PPP2R2B: variants seen among roughly 807,000 people sequenced by gnomAD.
PPP2R2B encodes protein phosphatase 2 regulatory subunit Bbeta.
Under a neutral mutation model 46.0 loss-of-function variants are expected in PPP2R2B, and 5 were observed. That is an observed-to-expected ratio of 0.11 (90% CI 0.06 to 0.23). The LOEUF (loss-of-function observed/expected upper bound fraction) is 0.23. Ranked by LOEUF, PPP2R2B falls within the 10% of genes least tolerant of loss-of-function variation. PPP2R2B has a pLI of 1.00. For synonymous variants in PPP2R2B, 215 were observed against 206.7 expected, an observed-to-expected ratio of 1.04 and a Z score of -0.34; for missense variants, 367 against 575.0, an observed-to-expected ratio of 0.64 and a Z score of 3.70.
At chr5:146,697,374 C>T (rs765147365) in intron 4 of PPP2R2B, among the ~76,000 whole-genome samples, 15 of 152,212 alleles carry the variant, frequency 9.9e-5, no homozygotes, top group Non-Finnish European at 1.8e-4. Context: ...TCTCTCTATT[C>T]AGTACCCAAC....
At chr5:146,989,474 A>G (rs981358820) in intron 1 of PPP2R2B, among the ~76,000 whole-genome samples, 13 of 152,136 alleles carry the variant, frequency 8.5e-5, no homozygotes, top group African/African-American at 3.1e-4. Context: ...GATGCATCAC[A>G]TTAACAGAAT....
intron 2 of PPP2R2B, among the ~76,000 whole-genome samples, chr5:147,075,993 C>A (rs1757754461): frequency 6.6e-6 from 1 of 152,052 alleles, no homozygotes; most frequent in African/African-American, 2.4e-5. Flanking sequence ...GCTTTATTAT[C>A]CCAATTTTAC....
intron 2 of PPP2R2B, among the ~76,000 whole-genome samples, chr5:146,851,177 C>T (rs1442510679): frequency 6.6e-6 from 1 of 152,120 alleles, no homozygotes; most frequent in Non-Finnish European, 1.5e-5. Flanking sequence ...AATCCTGTCC[C>T]TCAGAGATCT....
At chr5:146,746,926 C>A (rs2151229546) in intron 2 of PPP2R2B, among the ~76,000 whole-genome samples, 1 of 152,224 alleles carries the variant, frequency 6.6e-6, no homozygotes, top group African/African-American at 2.4e-5. Context: ...TATGGCGAGT[C>A]CGAATTTTCA....
At chr5:146,941,956 G>A (rs1008147053) in intron 1 of PPP2R2B, among the ~76,000 whole-genome samples, 2 of 152,074 alleles carry the variant, frequency 1.3e-5, no homozygotes, top group Non-Finnish European at 2.9e-5. Context: ...CCAGCTTTTG[G>A]TGTTTGCTGC....
chr5:146,842,110 C>T (rs776898952), intron 2 of PPP2R2B, among the ~76,000 whole-genome samples: 3 of 152,222 alleles, frequency 2.0e-5, no homozygotes, highest in Middle Eastern at 3.4e-3. Context: ...ATACAACATC[C>T]TCCCCTTAAA....
At chr5:147,024,573 A>G (rs957177094) in intron 1 of PPP2R2B, among the ~76,000 whole-genome samples, 4 of 152,192 alleles carry the variant, frequency 2.6e-5, no homozygotes, top group South Asian at 2.1e-4. Flanking sequence ...ACTGGGCTAC[A>G]AAGTGAGGCT....
chr5:147,075,410 A>G (rs1354379341), intron 2 of PPP2R2B, among the ~76,000 whole-genome samples: 1 of 152,180 alleles, frequency 6.6e-6, no homozygotes, highest in South Asian at 2.1e-4. Context: ...CATGATCTGC[A>G]TAAGTTATGT....
chr5:146,632,061 G>GCCCCCCCCCCC (rs58956274), intron 7 of PPP2R2B, among the ~76,000 whole-genome samples: 10 of 103,994 alleles, frequency 9.6e-5, no homozygotes, highest in Non-Finnish European at 1.2e-4. Context: ...GCTGAGTTGT[G>GCCCCCCCCCCC]CCCCCCCCCC....
At chr5:146,797,913 A>G (rs1427077771) in intron 2 of PPP2R2B, among the ~76,000 whole-genome samples, 1 of 152,192 alleles carries the variant, frequency 6.6e-6, no homozygotes, top group Non-Finnish European at 1.5e-5. Context: ...CTGTGCAGCC[A>G]CAAGTGCCAG....
At chr5:146,690,920 G>A (rs927807728) in intron 5 of PPP2R2B, among the ~76,000 whole-genome samples, 2 of 152,232 alleles carry the variant, frequency 1.3e-5, no homozygotes, top group Admixed American at 1.3e-4. Flanking sequence ...GGGACAAAAG[G>A]AAAAGCATGG....
intron 2 of PPP2R2B, among the ~76,000 whole-genome samples, chr5:146,865,540 A>G (rs1045922684): frequency 6.6e-6 from 1 of 152,196 alleles, no homozygotes; most frequent in African/African-American, 2.4e-5. Flanking sequence ...TATTCCCAAT[A>G]GAAGGCAAGT....
chr5:146,824,637 C>T lies in PPP2R2B; in HGVS notation c.70+53365G>A, dbSNP rs570054646. On this transcript the variant is annotated intron_variant, in intron 2 of 9. Coordinates refer to ENST00000394411, the MANE Select transcript of PPP2R2B (RefSeq NM_181675.4). Reference sequence around the variant, plus strand: ...TGTGGTAGAGTGGTAATTTTTGAAACGGGCTTTAACAGAGATAGAAAGAAA... The same window carrying T: ...TGTGGTAGAGTGGTAATTTTTGAAATGGGCTTTAACAGAGATAGAAAGAAA... Among the ~76,000 whole-genome samples the T allele has an allele frequency of 7.1e-4, 108 of 151,920 alleles. 1 individual carries two copies. Among genetic ancestry groups the T allele is most frequent in the African/African-American group, 2.5e-3 (102 of 41,424 alleles).
chr5:146,914,978 C>T (rs1763327797), intron 1 of PPP2R2B, among the ~76,000 whole-genome samples: 1 of 152,184 alleles, frequency 6.6e-6, no homozygotes, highest in African/African-American at 2.4e-5. Flanking sequence ...TTAAAATGCA[C>T]ACATTAGAGA....
intron 1 of PPP2R2B, among the ~76,000 whole-genome samples, chr5:146,924,286 G>C (rs1763708156): frequency 6.6e-6 from 1 of 152,180 alleles, no homozygotes. Flanking sequence ...CCCCTGTGCT[G>C]TCTTTGCTTA....
chr5:146,720,766 T>C (rs1780749203), intron 2 of PPP2R2B, among the ~76,000 whole-genome samples: 1 of 152,218 alleles, frequency 6.6e-6, no homozygotes, highest in Non-Finnish European at 1.5e-5. Context: ...AATCTGAATA[T>C]TGACAGATTC....
At chr5:147,010,594 C>A (rs1192035469) in intron 1 of PPP2R2B, among the ~76,000 whole-genome samples, 2 of 152,092 alleles carry the variant, frequency 1.3e-5, no homozygotes, top group Admixed American at 6.6e-5. Context: ...AATCTAATGT[C>A]TTTGCTGATC....
At chr5:146,766,348 T>C (rs2151261483) in intron 2 of PPP2R2B, among the ~76,000 whole-genome samples, 1 of 152,318 alleles carries the variant, frequency 6.6e-6, no homozygotes, top group South Asian at 2.1e-4. Context: ...TTGAGATGAA[T>C]TACCATTTTC....
intron 1 of PPP2R2B, among the ~76,000 whole-genome samples, chr5:147,033,110 A>T (rs991092634): frequency 6.6e-6 from 1 of 152,198 alleles, no homozygotes; most frequent in African/African-American, 2.4e-5. Flanking sequence ...TAAATATTAA[A>T]TACTCAAATT....
Sources: gnomAD v4.1 joint callset for allele counts (sites outside exome capture counted in the v4.1 genomes callset) on GRCh38, gnomAD v4.1.1 for gene constraint, MANE v1.5 for transcripts, NCBI Gene and HGNC (gene_info 2026-07-23, HGNC 2026-07-21) for gene names.